Variants in SSMEM1 observed in about 807,000 individuals in gnomAD.
SSMEM1 encodes the protein serine rich single-pass membrane protein 1.
Under a neutral mutation model 9.9 loss-of-function variants are expected in SSMEM1, and 12 were observed. The ratio of observed to expected loss-of-function variants is 1.21; its 90% CI spans 0.78 to 1.96. SSMEM1 has a LOEUF of 1.96. Ranked by LOEUF, SSMEM1 falls within the 30% of genes most tolerant of loss-of-function variation. The pLI, the probability that SSMEM1 is intolerant of heterozygous loss-of-function variation, is 0.00. For missense variants in SSMEM1, 259 were observed against 292.2 expected, an observed-to-expected ratio of 0.89 and a Z score of 0.83; for synonymous variants, 96 against 98.9, an observed-to-expected ratio of 0.97 and a Z score of 0.17.
rs76189869 is a variant in SSMEM1, at chr7:130,216,235, G to C, written c.500G>C (p.Ser167Thr). 1.6e-4 allele frequency: 265 copies of C among 1,614,182 alleles called. 1 individual carries two copies. The African/African-American group carries it at 3.3e-3, about 20-fold the overall frequency. The change falls in exon 3 of 3, where the codon AGT (serine) becomes ACT (threonine). Residue 167 changes from serine (S) to threonine (T), a missense_variant. By Grantham distance (58) the Ser-to-Thr change is moderately conservative (BLOSUM62 1). Transcript: ENST00000297819. ...GCCTCCTCGTGGAAGGAGAGTGAAA[G>C]TGAACACCACCCATCACCAGACAGT... ...SEASSWKESESEHHPSPDSIK... is the reference protein window; with the variant it reads ...SEASSWKESETEHHPSPDSIK...
chr7:130,207,836 C>A, upstream of SSMEM1: 1 of 1,490,794 alleles, frequency 6.7e-7, no homozygotes. Flanking sequence ...TGTCATACAT[C>A]ATAGAGGGAG....
At chr7:130,214,871 A>G (rs1798673482) in intron 2 of SSMEM1, among the ~76,000 whole-genome samples, 1 of 152,328 alleles carries the variant, frequency 6.6e-6, no homozygotes, top group Admixed American at 6.5e-5. Context: ...ACAATCAACA[A>G]AGCCATACAT....
At chr7:130,214,534 T>C (rs1269387219) in intron 2 of SSMEM1, among the ~76,000 whole-genome samples, 1 of 152,172 alleles carries the variant, frequency 6.6e-6, no homozygotes, top group Admixed American at 6.5e-5. Context: ...CACAAAACGC[T>C]CTCCTTCATT....
chr7:130,207,259 T>C (rs1798501588), upstream of SSMEM1, among the ~76,000 whole-genome samples: 1 of 152,180 alleles, frequency 6.6e-6, no homozygotes, highest in South Asian at 2.1e-4. Flanking sequence ...TTTCATAATT[T>C]TGGAGGCTGG....
rs766775566 is a variant in SSMEM1 at position 130,207,953 on chromosome 7, C to T, written c.43C>T (p.Pro15Ser). The change falls in exon 1 of 3, where the codon CCA (proline) becomes TCA (serine). Residue 15 changes from proline to serine, a missense_variant. Pro to Ser is a moderately conservative substitution (Grantham distance 74). Transcript: ENST00000297819. Reference protein sequence around the residue: ...FSLFWEVDPPPIPVNCAIPNQ... With the variant: ...FSLFWEVDPPSIPVNCAIPNQ... ...CTTATTTTGGGAGGTAGATCCTCCCCCAATACCTGTAAATTGTGCCATTCC... is the reference window on the plus strand; with the variant it reads ...CTTATTTTGGGAGGTAGATCCTCCCTCAATACCTGTAAATTGTGCCATTCC... The T allele has an allele frequency of 6.2e-7, 1 of 1,613,976 alleles. No individual in the cohort carries two copies. The highest frequency in any genetic ancestry group is 1.1e-5 in the South Asian group (1 of 91,062).
At position 130,216,449 on chromosome 7, in the gene SSMEM1, C is replaced by T. The variant is rs934223923; in HGVS notation, c.714C>T (p.Asn238=). 9.3e-6 allele frequency: 15 copies of T among 1,608,904 alleles called. No individual in the cohort carries two copies. The Middle Eastern group carries it at 6.6e-4, about 71-fold the overall frequency. Residue 238 remains asparagine (N), a synonymous_variant, in exon 3 of 3, where the codon AAC becomes AAT. Coordinates refer to ENST00000297819, the MANE Select transcript of SSMEM1 (RefSeq NM_145268.4). ...SQEESSISDI[N]KKFSKF ...AGGAAAGTTCCATATCTGACATTAA[C>T]AAGAAATTTAGTAAATTTTGAATTT...
upstream of SSMEM1, among the ~76,000 whole-genome samples, chr7:130,206,304 C>T (rs1246759904): frequency 6.6e-6 from 1 of 152,206 alleles, no homozygotes; most frequent in Non-Finnish European, 1.5e-5. Flanking sequence ...ATGCAGTGCT[C>T]CCCAAGGAGG....
At chr7:130,206,271 C>G (rs1331358219), upstream of SSMEM1, among the ~76,000 whole-genome samples, 5 of 151,906 alleles carry the variant, frequency 3.3e-5, no homozygotes, top group Non-Finnish European at 7.4e-5. Context: ...CCCACAGATG[C>G]ATTTCGGTGG....
rs1324275398 is a variant in SSMEM1, at chr7:130,208,044, A to G, written c.134A>G (p.Tyr45Cys). The G allele has an allele frequency of 6.2e-7, 1 of 1,613,896 alleles. No individual in the cohort carries two copies. Among genetic ancestry groups the G allele is most frequent in the Non-Finnish European group, 8.5e-7 (1 of 1,179,934 alleles). Residue 45 changes from tyrosine to cysteine, a missense_variant, in exon 1 of 3, where the codon TAT becomes TGT. Tyr to Cys is a radical substitution (Grantham distance 194). Coordinates refer to ENST00000297819, the MANE Select transcript of SSMEM1 (RefSeq NM_145268.4). ...CGTIGSFLLW[Y>C]FVIVFVLMFF... ...ACCATAGGGAGCTTCCTGCTTTGGT[A>G]TTTTGTTATCGTATTTGTCCTGATG...
chr7:130,205,626 C>G (rs1008616784), upstream of SSMEM1: 7 of 600,366 alleles, frequency 1.2e-5, no homozygotes, highest in Admixed American at 1.2e-4. Context: ...GCTCTGAACC[C>G]GCAGTAAAAA....
intron 2 of SSMEM1, among the ~76,000 whole-genome samples, chr7:130,215,503 T>C (rs934722480): frequency 2.6e-5 from 4 of 152,218 alleles, no homozygotes; most frequent in African/African-American, 9.6e-5. Flanking sequence ...ATAATGGCTA[T>C]GTTTAACCAT....
intron 1 of SSMEM1, among the ~76,000 whole-genome samples, chr7:130,208,630 A>C (rs1276582790): frequency 6.6e-6 from 1 of 152,190 alleles, no homozygotes; most frequent in Non-Finnish European, 1.5e-5. Context: ...ATGACTTCCA[A>C]ATCCCTTTTC....
chr7:130,207,666 A>G (rs1359329824), upstream of SSMEM1: 2 of 587,144 alleles, frequency 3.4e-6, no homozygotes, highest in Admixed American at 5.1e-5. Context: ...AGGAAAAAAA[A>G]TTAAGGCAGA....
At position 130,216,508 on chromosome 7, in the gene SSMEM1, AAG is replaced by A. The variant is rs1243046258; in HGVS notation, c.*42_*43del. Reference sequence around the variant, plus strand: ...TCTTCCTTCACTTGAAGCCAAATGAAAGAGATGAATAAAACATGAAAAATCAC... The same window carrying A: ...TCTTCCTTCACTTGAAGCCAAATGAAAGATGAATAAAACATGAAAAATCAC... On this transcript the variant is annotated 3_prime_UTR_variant, in exon 3 of 3. Transcript: ENST00000297819. 6.3e-7 allele frequency: 1 copy of A among 1,590,926 alleles called. No individual in the cohort carries two copies. The highest frequency in any genetic ancestry group is 8.6e-7 in the Non-Finnish European group (1 of 1,167,774).
chr7:130,215,771 A>T (rs1160378800), intron 2 of SSMEM1, among the ~76,000 whole-genome samples: 2 of 152,196 alleles, frequency 1.3e-5, no homozygotes, highest in African/African-American at 4.8e-5. Context: ...TCAAGCATCT[A>T]TCTAAGCTCT....
intron 2 of SSMEM1, among the ~76,000 whole-genome samples, chr7:130,213,750 TAAAGAC>T: frequency 1.0e-5 from 1 of 99,230 alleles, no homozygotes; most frequent in South Asian, 3.1e-4. Flanking sequence ...AAAAATGAAA[TAAAGAC>T]AAAGAAAGAA....
chr7:130,213,692 C>CAAAAAAAAAA lies in SSMEM1; in HGVS notation c.238+171_238+180dup, dbSNP rs1179465068. Among the ~76,000 whole-genome samples, 23 of 79,558 alleles carry CAAAAAAAAAA rather than the reference C, an allele frequency of 2.9e-4. 1 individual carries two copies. The highest frequency in any genetic ancestry group is 4.4e-4 in the South Asian group (1 of 2,278). The allele number at this position is 79,558 out of a possible 152,430, so 52.2% of individuals were successfully genotyped here. Reference sequence around the variant, plus strand: ...TTGAGAACATAGTGAGACCCAGTACCAAAAAAAAAAAAAAAAAAAAAAGAA... The same window carrying CAAAAAAAAAA: ...TTGAGAACATAGTGAGACCCAGTACCAAAAAAAAAAAAAAAAAAAAAAAAAAAAAAAAGAA... On this transcript the variant is annotated intron_variant, in intron 2 of 2. Transcript: ENST00000297819.
Position 130,216,188 on chromosome 7 carries a change from C to A in SSMEM1, c.453C>A (p.Gly151=). The stretch of plus-strand genomic sequence containing the variant: ...ATGACAGTGATACTACGGAGTATGG[C>A]AGTGAAGAGTCTAACTCAGAAGCCT... ...NQHDSDTTEY[G]SEESNSEASS... Residue 151 remains glycine (G), a synonymous_variant, in exon 3 of 3, where the codon GGC becomes GGA. Transcript: ENST00000297819. The A allele has an allele frequency of 6.2e-7, 1 of 1,614,130 alleles. No individual in the cohort carries two copies. Among genetic ancestry groups the A allele is most frequent in the African/African-American group, 1.3e-5 (1 of 75,016 alleles).
intron 2 of SSMEM1, 61 bp from the exon 3 acceptor site, chr7:130,215,913 G>C (rs1798695405): frequency 2.5e-6 from 4 of 1,572,312 alleles, no homozygotes; most frequent in African/African-American, 1.4e-5. Flanking sequence ...GGCTTCTTAA[G>C]TAATAGGAAT....
Sources: gnomAD v4.1 joint callset for allele counts (sites outside exome capture counted in the v4.1 genomes callset) on GRCh38, gnomAD v4.1.1 for gene constraint, MANE v1.5 for transcripts, NCBI Gene and HGNC (gene_info 2026-07-23, HGNC 2026-07-21) for gene names.